AP2B1: variants seen among roughly 807,000 people sequenced by gnomAD.
The protein encoded by AP2B1 is adaptor related protein complex 2 subunit beta 1.
A neutral mutation model predicts 102.0 loss-of-function variants in AP2B1; 23 were observed. The observed-to-expected ratio is 0.23, with a 90% CI of 0.16 to 0.32. The LOEUF is 0.32. AP2B1 is among the 10% of genes least tolerant of loss of function. AP2B1 has a pLI of 1.00. For missense variants in AP2B1, 541 were observed against 1,157.4 expected (o/e 0.47, Z 7.73); for synonymous variants, 381 against 421.2 (o/e 0.90, Z 1.17).
In AP2B1 at chr17:35,709,316, C is replaced by G; in HGVS notation, c.2539+8C>G. 1 of 1,609,160 alleles carries G rather than the reference C, an allele frequency of 6.2e-7. No individual in the cohort carries two copies. The highest frequency in any genetic ancestry group is 8.5e-7 in the Non-Finnish European group (1 of 1,175,572). On this transcript the variant is annotated splice_region_variant and intron_variant, in intron 19 of 21. Coordinates refer to ENST00000610402, the MANE Select transcript of AP2B1 (RefSeq NM_001030006.2). The stretch of plus-strand genomic sequence containing the variant: ...TAGAAGATGGCAAAATGGGTAAGTA[C>G]CTTCCTGCCTGTCCTGCTGAATATA...
intron 5 of AP2B1, among the ~76,000 whole-genome samples, chr17:35,614,724 C>T (rs2073965933): frequency 6.6e-6 from 1 of 150,404 alleles, no homozygotes; most frequent in Non-Finnish European, 1.5e-5. Context: ...AGCATGCTCT[C>T]AGAATAGCCT....
intron 1 of AP2B1, among the ~76,000 whole-genome samples, chr17:35,588,955 C>A (rs1296929401): frequency 1.3e-5 from 2 of 152,150 alleles, no homozygotes; most frequent in Non-Finnish European, 2.9e-5. Flanking sequence ...CAGGTTTGAA[C>A]GAAGCTGAGC....
At chr17:35,603,100 C>T (rs1324534547) in intron 3 of AP2B1, among the ~76,000 whole-genome samples, 7 of 152,186 alleles carry the variant, frequency 4.6e-5, no homozygotes, top group Non-Finnish European at 1.5e-5. Flanking sequence ...GATTCTTTGA[C>T]CTGAGTCCAG....
chr17:35,593,978 G>A (rs2073180707), intron 1 of AP2B1, 30 bp from the exon 2 acceptor site: 1 of 1,334,676 alleles, frequency 7.5e-7, no homozygotes, highest in Admixed American at 2.3e-5. Context: ...TCTATAACCT[G>A]AATGAAGGAA....
At chr17:35,688,988 A>T (rs902053997) in intron 18 of AP2B1, among the ~76,000 whole-genome samples, 59 of 152,246 alleles carry the variant, frequency 3.9e-4, no homozygotes, top group African/African-American at 1.3e-3. Flanking sequence ...AAAGAAAAAC[A>T]CTTTTTTATG....
At chr17:35,691,217 T>G (rs1396211152) in intron 18 of AP2B1, among the ~76,000 whole-genome samples, 1 of 152,214 alleles carries the variant, frequency 6.6e-6, no homozygotes, top group Non-Finnish European at 1.5e-5. Flanking sequence ...TCCTGTTTAT[T>G]CATGTCTTAA....
intron 12 of AP2B1, among the ~76,000 whole-genome samples, chr17:35,644,080 T>A (rs1407172731): frequency 6.6e-6 from 1 of 152,240 alleles, no homozygotes; most frequent in African/African-American, 2.4e-5. Context: ...GAAACTCACT[T>A]AATCCTAGTA....
At chr17:35,705,821 C>T (rs1598334946) in intron 18 of AP2B1, among the ~76,000 whole-genome samples, 1 of 152,162 alleles carries the variant, frequency 6.6e-6, no homozygotes, top group East Asian at 1.9e-4. Context: ...GGATTACAGG[C>T]GTGAGCCACT....
intron 5 of AP2B1, among the ~76,000 whole-genome samples, chr17:35,623,181 A>G (rs1257720449): frequency 3.3e-5 from 5 of 150,988 alleles, no homozygotes; most frequent in Non-Finnish European, 7.4e-5. Flanking sequence ...TTAATTTGTA[A>G]TTTTGATAAA....
chr17:35,654,950 C>G (rs7214742), intron 13 of AP2B1, among the ~76,000 whole-genome samples: 3 of 152,144 alleles, frequency 2.0e-5, no homozygotes. Context: ...GTAATGCTAG[C>G]GGTGATGTTT....
chr17:35,685,887 G>A (rs2075920482), intron 18 of AP2B1, among the ~76,000 whole-genome samples: 1 of 151,976 alleles, frequency 6.6e-6, no homozygotes, highest in African/African-American at 2.4e-5. Flanking sequence ...CTTAGCCTCT[G>A]AGTAGCTGGG....
At chr17:35,625,679 GTGTAATA>G (rs1427623921) in intron 6 of AP2B1, among the ~76,000 whole-genome samples, 3 of 151,648 alleles carry the variant, frequency 2.0e-5, no homozygotes, top group Middle Eastern at 3.2e-3. Flanking sequence ...TGTATAGATA[GTGTAATA>G]TGTAATATGT....
rs773576208 is a variant in AP2B1, at chr17:35,608,295, G to C, written c.433G>C (p.Val145Leu). 4 of 1,614,066 alleles carry C rather than the reference G, an allele frequency of 2.5e-6. No homozygotes were observed. Among genetic ancestry groups the C allele is most frequent in the East Asian group, 2.2e-5 (1 of 44,890 alleles). The stretch of plus-strand genomic sequence containing the variant: ...TGTTCGGAAAACAGCAGCAGTCTGC[G>C]TGGCAAAACTCCATGATATCAATGC... Reference protein sequence around the residue: ...PYVRKTAAVCVAKLHDINAQM... With the variant: ...PYVRKTAAVCLAKLHDINAQM... The change falls in exon 5 of 22, where the codon GTG becomes CTG. Residue 145 changes from valine to leucine, a missense_variant. Physicochemically the swap from Val to Leu is conservative, Grantham distance 32 (BLOSUM62 1). Around this residue, in one of 10 missense-constraint regions of AP2B1, gnomAD observed 134 missense variants for 250.2 expected, o/e 0.54. Coordinates refer to ENST00000610402, the MANE Select transcript of AP2B1 (RefSeq NM_001030006.2).
Position 35,720,920 on chromosome 17 carries a change from G to T in AP2B1, c.2782-2705G>T, listed in dbSNP as rs185992278. 3.3e-5 allele frequency among the ~76,000 whole-genome samples: 5 copies of T among 152,114 alleles called. No homozygotes were observed. The East Asian group carries it at 9.7e-4, about 29-fold the overall frequency. On this transcript the variant is annotated intron_variant, in intron 21 of 21. Transcript: ENST00000610402. ...TAGTCATTAGACTAAAAGAAGAGGT[G>T]GTGGTAGAGGGGTATCAGAGGTATC... is the stretch of plus-strand genomic sequence containing the variant.
chr17:35,709,337 A>G (rs587629974), intron 19 of AP2B1, 29 bp downstream of exon 19: 1 of 1,585,108 alleles, frequency 6.3e-7, no homozygotes, highest in South Asian at 1.1e-5. Context: ...GTCCTGCTGA[A>G]TATACCTTTG....
At chr17:35,593,438 A>G (rs2073164952) in intron 1 of AP2B1, among the ~76,000 whole-genome samples, 1 of 44,614 alleles carries the variant, frequency 2.2e-5, no homozygotes, top group Non-Finnish European at 4.5e-5. Flanking sequence ...AATACCCACA[A>G]AACTAAAAAT....
intron 6 of AP2B1, among the ~76,000 whole-genome samples, chr17:35,625,319 G>A (rs2074284943): frequency 6.6e-6 from 1 of 152,228 alleles, no homozygotes; most frequent in Non-Finnish European, 1.5e-5. Context: ...TGGTCTGGCT[G>A]AAGCTGATTT....
At chr17:35,675,278 T>C (rs1043900665) in intron 17 of AP2B1, among the ~76,000 whole-genome samples, 14 of 152,344 alleles carry the variant, frequency 9.2e-5, no homozygotes, top group Middle Eastern at 3.4e-3. Context: ...ATACAGGATA[T>C]TTAGCCCTGC....
intron 14 of AP2B1, chr17:35,659,923 G>C (rs1219893762): frequency 1.0e-6 from 1 of 985,226 alleles, no homozygotes; most frequent in African/African-American, 1.7e-5. Flanking sequence ...CCTTTTTCGA[G>C]AACATCACAA....
Sources: allele counts gnomAD v4.1 joint callset (sites outside exome capture counted in the v4.1 genomes callset), GRCh38; gene constraint gnomAD v4.1.1; regional missense constraint gnomAD v4.1.1; transcripts MANE v1.5; gene names NCBI Gene and HGNC (gene_info 2026-07-23, HGNC 2026-07-21).